KCNQ1: variants seen among roughly 807,000 people sequenced by gnomAD.
KCNQ1 encodes potassium voltage-gated channel subfamily Q member 1, also known as potassium voltage-gated channel subfamily KQT member 1.
KCNQ1 carries 49 observed loss-of-function variants against 72.4 expected under a neutral mutation model. The ratio of observed to expected loss-of-function variants is 0.68; its 90% CI spans 0.54 to 0.86. The LOEUF (loss-of-function observed/expected upper bound fraction) is 0.86. Ranked by LOEUF, KCNQ1 falls within the 40% of genes least tolerant of loss-of-function variation. KCNQ1 has a pLI of 0.00. For synonymous variants in KCNQ1, 450 were observed against 412.6 expected (o/e 1.09, Z -1.10); for missense variants, 790 against 945.1 (o/e 0.84, Z 2.15).
intron 14 of KCNQ1, chr11:2,777,660 C>T: frequency 1.7e-6 from 1 of 594,444 alleles, no homozygotes; most frequent in Non-Finnish European, 3.0e-6. Context: ...GCCTGTGTCG[C>T]CCTGGGAGTG....
At chr11:2,586,486 T>C (rs1025289847) in intron 8 of KCNQ1, among the ~76,000 whole-genome samples, 47 of 152,158 alleles carry the variant, frequency 3.1e-4, no homozygotes, top group African/African-American at 1.1e-3. Flanking sequence ...GGATTCCTGG[T>C]CCCACTCCCT....
Position 2,670,658 on chromosome 11 carries a change from ATT to A in KCNQ1, c.1514+8578_1514+8579del. 2 of 398,560 alleles carry A rather than the reference ATT, an allele frequency of 5.0e-6. No individual in the cohort carries two copies. Among genetic ancestry groups the A allele is most frequent in the Non-Finnish European group, 8.8e-6 (2 of 226,080 alleles). 24.7% of individuals were successfully genotyped at this position (398,560 alleles called of 1,614,324 possible). A position where few individuals can be genotyped will look rare whatever the true frequency, so the allele number is the denominator to read the frequency against. ...GCAGAGGCCAGGATGAACCCTGAAG[ATT>A]GGTAGGAAGGCAGTGTAGCAGTAAC... On this transcript the variant is annotated intron_variant, in intron 11 of 15. Coordinates refer to ENST00000155840, the MANE Select transcript of KCNQ1 (RefSeq NM_000218.3). The surrounding 1 kb of genome is among the most constrained non-coding windows in gnomAD (Gnocchi z 4.9).
intron 11 of KCNQ1, among the ~76,000 whole-genome samples, chr11:2,765,577 G>T (rs1236545152): frequency 6.6e-6 from 1 of 152,194 alleles, no homozygotes; most frequent in African/African-American, 2.4e-5. Flanking sequence ...TACTGACGAG[G>T]TGTGTTCAAA....
chr11:2,802,433 G>A (rs770246842), intron 15 of KCNQ1, among the ~76,000 whole-genome samples: 22 of 152,202 alleles, frequency 1.4e-4, no homozygotes, highest in Admixed American at 2.6e-4. Flanking sequence ...ATCCTCGGGC[G>A]CAGGCAGCCC....
intron 15 of KCNQ1, among the ~76,000 whole-genome samples, chr11:2,814,289 GGATGGATGGATGGATA>G (rs1019128088): frequency 1.4e-4 from 20 of 143,258 alleles, no homozygotes; most frequent in South Asian, 1.1e-3. Flanking sequence ...TGGGATGGAT[GGATGGATGGATGGATA>G]GATGGATGGA....
At chr11:2,688,843 G>A in intron 11 of KCNQ1, 1 of 398,982 alleles carries the variant, frequency 2.5e-6, no homozygotes, top group East Asian at 3.6e-5. Flanking sequence ...TGGCACTCCA[G>A]GTGGAGAGGG....
rs1004263498 is a variant in KCNQ1 at position 2,691,522 on chromosome 11, C to T, written c.1514+29441C>T. On this transcript the variant is annotated intron_variant, in intron 11 of 15. Coordinates refer to ENST00000155840, the MANE Select transcript of KCNQ1 (RefSeq NM_000218.3). This position sits in a 1 kb window ranked among gnomAD's most constrained non-coding sequence, Gnocchi z 6.4. ...CCATTTTTCAGCTTGCTTGGCTTTGCATTAAAGTTGGGGGGATTTCTCTAT... is the reference window on the plus strand; with the variant it reads ...CCATTTTTCAGCTTGCTTGGCTTTGTATTAAAGTTGGGGGGATTTCTCTAT... The T allele has an allele frequency of 1.3e-5, 5 of 398,242 alleles. No homozygotes were observed. Among genetic ancestry groups the T allele is most frequent in the Non-Finnish European group, 2.2e-5 (5 of 226,058 alleles). 24.7% of individuals were successfully genotyped at this position (398,242 alleles called of 1,614,324 possible).
At position 2,479,954 on chromosome 11, in the gene KCNQ1, C is replaced by T. The variant is rs1846628052; in HGVS notation, c.386+34470C>T. Among the ~76,000 whole-genome samples, 1 of 152,196 alleles carries T rather than the reference C, an allele frequency of 6.6e-6. No individual in the cohort carries two copies. Among genetic ancestry groups the T allele is most frequent in the Admixed American group, 6.5e-5 (1 of 15,278 alleles). ...CATCTCCCTCAAGTTCAAAGTTCCA[C>T]AAATCTCTAGGGCAGTGGTAAAATA... On this transcript the variant is annotated intron_variant, in intron 1 of 15. Coordinates refer to ENST00000155840, the MANE Select transcript of KCNQ1 (RefSeq NM_000218.3). The surrounding 1 kb of genome is among the most constrained non-coding windows in gnomAD (Gnocchi z 4.6).
At chr11:2,528,129 C>A in intron 2 of KCNQ1, 111 bp downstream of exon 2, 1 of 938,630 alleles carries the variant, frequency 1.1e-6, no homozygotes, top group Non-Finnish European at 1.7e-6. Context: ...AGCCCCTTGC[C>A]CACACATTGG....
At chr11:2,534,972 C>T (rs1000227740) in intron 2 of KCNQ1, among the ~76,000 whole-genome samples, 6 of 152,206 alleles carry the variant, frequency 3.9e-5, no homozygotes, top group Non-Finnish European at 7.3e-5. Flanking sequence ...TGGTTCCTGT[C>T]TGCACTGAGC....
chr11:2,545,723 ATTGC>A (rs1053993470), intron 2 of KCNQ1, among the ~76,000 whole-genome samples: 4 of 152,108 alleles, frequency 2.6e-5, no homozygotes, highest in Admixed American at 1.3e-4. Flanking sequence ...TATTCAGGTG[ATTGC>A]TTCTTGAGTG....
chr11:2,778,758 A>G (rs1410262600), intron 15 of KCNQ1, among the ~76,000 whole-genome samples: 2 of 152,244 alleles, frequency 1.3e-5, no homozygotes, highest in Non-Finnish European at 2.9e-5. Flanking sequence ...TTTATCTGAA[A>G]GTAGCTGAGA....
chr11:2,738,707 G>A (rs775547586), intron 11 of KCNQ1, among the ~76,000 whole-genome samples: 5 of 152,320 alleles, frequency 3.3e-5, no homozygotes, highest in Non-Finnish European at 4.4e-5. Flanking sequence ...TTTCCTGGGG[G>A]CCCCACAGCT....
intron 11 of KCNQ1, chr11:2,662,658 A>G (rs1244833479): frequency 2.5e-6 from 1 of 406,614 alleles, no homozygotes; most frequent in Non-Finnish European, 4.3e-6. Flanking sequence ...TTCCCCTGCG[A>G]CATGTGACTC....
intron 11 of KCNQ1, chr11:2,685,966 G>T (rs995377061): frequency 2.5e-6 from 1 of 398,802 alleles, no homozygotes; most frequent in Non-Finnish European, 4.4e-6. Flanking sequence ...CACGGATGAG[G>T]CCTGTACACT....
At position 2,661,835 on chromosome 11, in the gene KCNQ1, C is replaced by A; in HGVS notation, c.1394-126C>A. The A allele has an allele frequency of 8.2e-7, 1 of 1,225,444 alleles. No homozygotes were observed. Among genetic ancestry groups the A allele is most frequent in the South Asian group, 1.2e-5 (1 of 81,408 alleles). 75.9% of individuals were successfully genotyped at this position (1,225,444 alleles called of 1,614,324 possible). A position where few individuals can be genotyped will look rare whatever the true frequency, so the allele number is the denominator to read the frequency against. On this transcript the variant is annotated intron_variant, in intron 10 of 15. Transcript: ENST00000155840. The surrounding 1 kb of genome is among the most constrained non-coding windows in gnomAD (Gnocchi z 5.9). ...AACACCCAACTATAAAACTGATTGT[C>A]AGGGCTGGAGCTTCCAGGCACAAGC...
intron 10 of KCNQ1, chr11:2,640,831 G>C: frequency 2.5e-6 from 1 of 398,950 alleles, no homozygotes; most frequent in Non-Finnish European, 4.4e-6. Flanking sequence ...TCACCCTCCA[G>C]ACATACCTTT....
rs114371976 is a variant in KCNQ1, at chr11:2,751,373, G to A, written c.1515-17471G>A. ...CGGACGCCAGCGTTTAGGAGCGGGT[G>A]GGCTCCCGGAAGGGGGCTCTATGGG... On this transcript the variant is annotated intron_variant, in intron 11 of 15. Coordinates refer to ENST00000155840, the MANE Select transcript of KCNQ1 (RefSeq NM_000218.3). Among the ~76,000 whole-genome samples the A allele has an allele frequency of 2.0e-3, 308 of 152,332 alleles. 2 individuals carry two copies. The highest frequency in any genetic ancestry group is 7.2e-3 in the African/African-American group (299 of 41,570).
In KCNQ1 at chr11:2,567,042, G is replaced by A. The variant is rs1271133190; in HGVS notation, c.478-3586G>A. Among the ~76,000 whole-genome samples the A allele has an allele frequency of 6.6e-6, 1 of 151,720 alleles. No individual in the cohort carries two copies. The highest frequency in any genetic ancestry group is 1.5e-5 in the Non-Finnish European group (1 of 67,882). On this transcript the variant is annotated intron_variant, in intron 2 of 15. Transcript: ENST00000155840. The surrounding 1 kb of genome is among the most constrained non-coding windows in gnomAD (Gnocchi z 6.6). ...CCTGAGGAGGCAGGGGTGCCCCAGG[G>A]AATGGGGGGCACCTGGGGCCCACGG...
Sources: gnomAD v4.1 joint callset for allele counts (sites outside exome capture counted in the v4.1 genomes callset) on GRCh38, gnomAD v4.1.1 for gene constraint, Gnocchi (gnomAD v3.1) non-coding constraint, MANE v1.5 for transcripts, NCBI Gene and HGNC (gene_info 2026-07-23, HGNC 2026-07-21) for gene names.